The following ORC5 variants were observed in gnomAD, a reference collection of about 807,000 sequenced individuals.
The protein encoded by ORC5 is origin recognition complex subunit 5, also known as protein phosphatase 1, regulatory subunit 117.
Under a neutral mutation model 58.8 loss-of-function variants are expected in ORC5, and 39 were observed. The ratio of observed to expected loss-of-function variants is 0.66; its 90% CI spans 0.51 to 0.87. The LOEUF is 0.87. Among genes scored for constraint, ORC5 ranks in the 40% least tolerant of loss-of-function variants. ORC5 has a pLI of 0.00. For synonymous variants in ORC5, 218 were observed against 177.6 expected, an observed-to-expected ratio of 1.23 and a Z score of -1.81; for missense variants, 493 against 506.3, an observed-to-expected ratio of 0.97 and a Z score of 0.25.
intron 2 of ORC5, among the ~76,000 whole-genome samples, chr7:104,202,876 T>C (rs1437591924): frequency 3.3e-5 from 5 of 152,178 alleles, no homozygotes; most frequent in Non-Finnish European, 5.9e-5. Flanking sequence ...TGCCAAGTAA[T>C]GTGCTTGGTG....
chr7:104,148,387 C>T (rs1014199443), intron 12 of ORC5, among the ~76,000 whole-genome samples: 7 of 152,122 alleles, frequency 4.6e-5, no homozygotes, highest in Admixed American at 1.3e-4. Flanking sequence ...GACTACTCCA[C>T]CTTGCATTCT....
At chr7:104,194,098 C>T (rs1011459291) in intron 5 of ORC5, among the ~76,000 whole-genome samples, 1 of 101,896 alleles carries the variant, frequency 9.8e-6, no homozygotes, top group African/African-American at 3.0e-5. Flanking sequence ...AGGTACAGAG[C>T]CTTTTTTTTT....
At chr7:104,181,385 A>ATG (rs1333853611) in intron 8 of ORC5, among the ~76,000 whole-genome samples, 1 of 152,086 alleles carries the variant, frequency 6.6e-6, no homozygotes, top group Non-Finnish European at 1.5e-5. Flanking sequence ...CCTTGAAAAT[A>ATG]TGTTTATTCA....
Position 104,134,104 on chromosome 7 carries a change from A to C in ORC5, c.1262+2677T>G, listed in dbSNP as rs910820661. On this transcript the variant is annotated intron_variant, in intron 13 of 13. Transcript: ENST00000297431. ...GAACAGAATGAACTCAGGCGTTAGA[A>C]TGTGGGGTTTAAACAGAGTCAAGAA... Among the ~76,000 whole-genome samples, 5 of 152,220 alleles carry C rather than the reference A, an allele frequency of 3.3e-5. No homozygotes were observed. The South Asian group carries it at 1.0e-3, about 32-fold the overall frequency.
intron 8 of ORC5, among the ~76,000 whole-genome samples, chr7:104,169,802 CT>C (rs1222827345): frequency 6.6e-6 from 1 of 152,080 alleles, no homozygotes; most frequent in Non-Finnish European, 1.5e-5. Flanking sequence ...TTCTCTTTTC[CT>C]TCTTTTCCCA....
chr7:104,195,470 C>T (rs1473178049), intron 4 of ORC5, among the ~76,000 whole-genome samples: 1 of 152,162 alleles, frequency 6.6e-6, no homozygotes, highest in Non-Finnish European at 1.5e-5. Flanking sequence ...GGCATAATCA[C>T]AGCTCACTGT....
chr7:104,161,363 T>C (rs902172904), intron 11 of ORC5, among the ~76,000 whole-genome samples, 181 bp from the exon 12 acceptor site: 1 of 152,174 alleles, frequency 6.6e-6, no homozygotes, highest in African/African-American at 2.4e-5. Context: ...ATTTATCCTT[T>C]TTTTAAGTTT....
chr7:104,188,499 A>G, intron 5 of ORC5, 118 bp from the exon 6 acceptor site: 1 of 649,356 alleles, frequency 1.5e-6, no homozygotes. Flanking sequence ...ACAATTAAGG[A>G]ATAATAAAAC....
intron 12 of ORC5, among the ~76,000 whole-genome samples, chr7:104,157,443 A>C (rs148594753): frequency 9.9e-5 from 15 of 152,208 alleles, no homozygotes; most frequent in African/African-American, 3.4e-4. Context: ...TTGATTATAA[A>C]ATGTTAATTA....
At chr7:104,193,884 G>A (rs978218955) in intron 5 of ORC5, among the ~76,000 whole-genome samples, 2 of 151,436 alleles carry the variant, frequency 1.3e-5, no homozygotes, top group Non-Finnish European at 2.9e-5. Context: ...CATCTATGCT[G>A]CTTTGTATCT....
rs1798587439 is a variant in ORC5, at chr7:104,136,331, CTGCCTGTGACAACG to C, written c.1262+436_1262+449del. On this transcript the variant is annotated intron_variant, in intron 13 of 13. Transcript: ENST00000297431. The surrounding 1 kb of genome is among the most constrained non-coding windows in gnomAD (Gnocchi z 4.2). The stretch of plus-strand genomic sequence containing the variant: ...CACAGCACAGCACACTAGATTTGAT[CTGCCTGTGACAACG>C]CACAGTAGAATGATTATGTCCCCTG... 6.6e-6 allele frequency among the ~76,000 whole-genome samples: 1 copy of C among 152,026 alleles called. No homozygotes were observed. The highest frequency in any genetic ancestry group is 2.1e-4 in the South Asian group (1 of 4,814).
At chr7:104,201,512 T>C (rs1220226357) in intron 2 of ORC5, among the ~76,000 whole-genome samples, 4 of 151,796 alleles carry the variant, frequency 2.6e-5, no homozygotes, top group Admixed American at 6.6e-5. Context: ...TATTTTCCTA[T>C]AAAGAATTCT....
At chr7:104,184,931 T>A (rs1351090658) in intron 6 of ORC5, among the ~76,000 whole-genome samples, 1 of 152,096 alleles carries the variant, frequency 6.6e-6, no homozygotes, top group Non-Finnish European at 1.5e-5. Flanking sequence ...CCTAACCAAG[T>A]CTTTGCTCCT....
intron 8 of ORC5, among the ~76,000 whole-genome samples, chr7:104,176,573 C>G: frequency 6.6e-6 from 1 of 152,114 alleles, no homozygotes; most frequent in East Asian, 1.9e-4. Flanking sequence ...TGTGCCTAAG[C>G]TCTAAAAGGG....
chr7:104,128,395 T>A (rs1282406928), intron 13 of ORC5, among the ~76,000 whole-genome samples: 2 of 152,162 alleles, frequency 1.3e-5, no homozygotes, highest in East Asian at 1.9e-4. Context: ...AGTGCTAGGA[T>A]CACAGGCGTG....
rs1465874903 is a variant in ORC5, at chr7:104,133,311, T to C, written c.1262+3470A>G. 6.6e-6 allele frequency among the ~76,000 whole-genome samples: 1 copy of C among 152,138 alleles called. No individual in the cohort carries two copies. The highest frequency in any genetic ancestry group is 1.5e-5 in the Non-Finnish European group (1 of 68,026). On this transcript the variant is annotated intron_variant, in intron 13 of 13. Coordinates refer to ENST00000297431, the MANE Select transcript of ORC5 (RefSeq NM_002553.4). This position sits in a 1 kb window ranked among gnomAD's most constrained non-coding sequence, Gnocchi z 4.7. ...ATCTAGAGTGGTAAAAGTATCATGATAACAAGTGAATGAAATTGAGACAAA... is the reference window on the plus strand; with the variant it reads ...ATCTAGAGTGGTAAAAGTATCATGACAACAAGTGAATGAAATTGAGACAAA...
intron 12 of ORC5, among the ~76,000 whole-genome samples, chr7:104,142,077 T>C (rs1425161711): frequency 6.6e-6 from 1 of 151,936 alleles, no homozygotes; most frequent in African/African-American, 2.4e-5. Context: ...AGTCCAGAAA[T>C]AAAACCACAC....
intron 6 of ORC5, among the ~76,000 whole-genome samples, chr7:104,184,799 CAAGA>C (rs1480947732): frequency 6.6e-6 from 1 of 151,990 alleles, no homozygotes; most frequent in African/African-American, 2.4e-5. Flanking sequence ...GATTAACTCT[CAAGA>C]AAGAGACTTG....
chr7:104,168,572 C>A, intron 8 of ORC5, 47 bp from the exon 9 acceptor site: 2 of 1,260,156 alleles, frequency 1.6e-6, no homozygotes, highest in South Asian at 2.9e-5. Flanking sequence ...TAAATAAAAT[C>A]AATATGGTGT....
Sources: allele counts gnomAD v4.1 joint callset (sites outside exome capture counted in the v4.1 genomes callset), GRCh38; gene constraint gnomAD v4.1.1; non-coding constraint Gnocchi (gnomAD v3.1); transcripts MANE v1.5; gene names NCBI Gene and HGNC (gene_info 2026-07-23, HGNC 2026-07-21).